Variants in SPI1 observed in about 807,000 individuals in gnomAD.
SPI1 encodes the protein Spi-1 proto-oncogene, also known as transcription factor PU.1.
A neutral mutation model predicts 30.7 loss-of-function variants in SPI1; 3 were observed. The observed-to-expected ratio is 0.10, with a 90% CI of 0.04 to 0.25. SPI1 has a LOEUF of 0.25. Among genes scored for constraint, SPI1 ranks in the 10% least tolerant of loss-of-function variants. The pLI is 1.00. For missense variants in SPI1, 261 were observed against 371.5 expected (o/e 0.70, Z 2.45); for synonymous variants, 169 against 157.1 (o/e 1.08, Z -0.56).
chr11:47,359,727 C>T lies in SPI1; in HGVS notation c.330+126G>A, dbSNP rs576231631. On this transcript the variant is annotated intron_variant, in intron 3 of 4. Transcript: ENST00000378538. This position sits in a 1 kb window ranked among gnomAD's most constrained non-coding sequence, Gnocchi z 5.1. The stretch of plus-strand genomic sequence containing the variant: ...AGGCGGCAGCCGTTGGAGCTCCAGC[C>T]GCCGTTGGCACTGTGGGGCAGGAAG... The T allele has an allele frequency of 1.5e-5, 16 of 1,083,716 alleles. No homozygotes were observed. In the Admixed American group the frequency reaches 2.1e-4, roughly 14 times the overall value. The allele number at this position is 1,083,716 out of a possible 1,614,324, so 67.1% of individuals were successfully genotyped here.
chr11:47,378,349 A>G lies in SPI1; in HGVS notation c.5T>C (p.Leu2Ser). 2 of 1,613,316 alleles carry G rather than the reference A, an allele frequency of 1.2e-6. No individual in the cohort carries two copies. Among genetic ancestry groups the G allele is most frequent in the Non-Finnish European group, 1.7e-6 (2 of 1,179,694 alleles). The change falls in exon 1 of 5, where the codon TTA becomes TCA. Residue 2 changes from leucine to serine, a missense_variant. Physicochemically the swap from Leu to Ser is moderately radical, Grantham distance 145. Coordinates refer to ENST00000378538, the MANE Select transcript of SPI1 (RefSeq NM_003120.3). MLQACKMEGFPL... is the reference protein window; with the variant it reads MSQACKMEGFPL... Reference sequence around the variant, plus strand: ...AAACCCTTCCATTTTGCACGCCTGTAACATCCAGCCGGGCTCCGAGTCGGT... The same window carrying G: ...AAACCCTTCCATTTTGCACGCCTGTGACATCCAGCCGGGCTCCGAGTCGGT...
At position 47,375,333 on chromosome 11, in the gene SPI1, A is replaced by G. The variant is rs187823421; in HGVS notation, c.142+300T>C. ...ACCCAGCAGCCGTGTGACCTTGTGCAAGTCTCCTAGCACCCTAAGCCTGTT... is the reference window on the plus strand; with the variant it reads ...ACCCAGCAGCCGTGTGACCTTGTGCGAGTCTCCTAGCACCCTAAGCCTGTT... On this transcript the variant is annotated intron_variant, in intron 2 of 4. Transcript: ENST00000378538. This position sits in a 1 kb window ranked among gnomAD's most constrained non-coding sequence, Gnocchi z 4.2. Among the ~76,000 whole-genome samples, 162 of 152,334 alleles carry G rather than the reference A, an allele frequency of 1.1e-3. No individual in the cohort carries two copies. The highest frequency in any genetic ancestry group is 1.9e-3 in the Non-Finnish European group (130 of 68,024).
rs866862822 is a variant in SPI1, at chr11:47,355,668, C to T, written c.494-122G>A. On this transcript the variant is annotated intron_variant, in intron 4 of 4. Coordinates refer to ENST00000378538, the MANE Select transcript of SPI1 (RefSeq NM_003120.3). ...CCGGGAAGGGCAGGGGAACGGCTGC[C>T]CCAGCCCGCGCCGGGCGTGCATACA... 1.4e-4 allele frequency: 113 copies of T among 798,528 alleles called. No homozygotes were observed. The African/African-American group carries it at 1.7e-3, about 12-fold the overall frequency. The allele number at this position is 798,528 out of a possible 1,614,324, so 49.5% of individuals were successfully genotyped here.
Position 47,362,570 on chromosome 11 carries a change from C to CTTT in SPI1, c.143-2533_143-2531dup, listed in dbSNP as rs377422572. ...TGGGTGACAGAGTGAGACCCTGTCT[C>CTTT]TTTTTTTTTTTTTTTTTTTTTCTCT... On this transcript the variant is annotated intron_variant, in intron 2 of 4. Coordinates refer to ENST00000378538, the MANE Select transcript of SPI1 (RefSeq NM_003120.3). 3.2e-3 allele frequency among the ~76,000 whole-genome samples: 347 copies of CTTT among 107,792 alleles called. 3 individuals carry two copies. The highest frequency in any genetic ancestry group is 5.2e-3 in the East Asian group (16 of 3,100). The allele number at this position is 107,792 out of a possible 152,430, so 70.7% of individuals were successfully genotyped here.
intron 1 of SPI1, among the ~76,000 whole-genome samples, chr11:47,378,016 C>T (rs560087014): frequency 3.3e-5 from 5 of 152,332 alleles, no homozygotes; most frequent in African/African-American, 1.2e-4. Flanking sequence ...CAGCCCAGCA[C>T]CCTCCCCAGG....
chr11:47,355,237 G>C lies in SPI1; in HGVS notation c.803C>G (p.Pro268Arg), dbSNP rs758648383. The C allele has an allele frequency of 7.0e-7, 1 of 1,423,244 alleles. No homozygotes were observed. Among genetic ancestry groups the C allele is most frequent in the Non-Finnish European group, 9.2e-7 (1 of 1,091,496 alleles). The allele number at this position is 1,423,244 out of a possible 1,614,324, so 88.2% of individuals were successfully genotyped here. The change falls in exon 5 of 5, where the codon CCG (proline) becomes CGG (arginine). Residue 268 changes from proline (P) to arginine (R), a missense_variant. Pro to Arg is a moderately radical substitution (Grantham distance 103, BLOSUM62 -2). Transcript: ENST00000378538. The stretch of plus-strand genomic sequence containing the variant: ...GCGGGGGCTGCGGGCTCAGTGGGGC[G>C]GGTGGCGCCGCTCGGCCAGGCCCCC... ...GRGGLAERRH[P>R]PH is the part of the protein sequence containing the mutation.
intron 2 of SPI1, among the ~76,000 whole-genome samples, chr11:47,360,573 A>C (rs1306619973): frequency 6.6e-6 from 1 of 152,174 alleles, no homozygotes; most frequent in Non-Finnish European, 1.5e-5. Flanking sequence ...CACGCCTGTA[A>C]ACCCAGCATT....
In SPI1 at chr11:47,358,459, C is replaced by A. The variant is rs74866067; in HGVS notation, c.493+385G>T. On this transcript the variant is annotated intron_variant, in intron 4 of 4. Coordinates refer to ENST00000378538, the MANE Select transcript of SPI1 (RefSeq NM_003120.3). The stretch of plus-strand genomic sequence containing the variant: ...TGACAGACACACAAACATGGCCACA[C>A]CCACTCTCAGCCACACCAGCTCTCA... 480 of 642,286 alleles carry A rather than the reference C, an allele frequency of 7.5e-4. 1 individual carries two copies. The East Asian group carries it at 0.012, about 16-fold the overall frequency. 39.8% of individuals were successfully genotyped at this position (642,286 alleles called of 1,614,324 possible). A position where few individuals can be genotyped will look rare whatever the true frequency, so the allele number is the denominator to read the frequency against.
intron 2 of SPI1, among the ~76,000 whole-genome samples, chr11:47,372,961 C>T (rs1188173732): frequency 1.3e-5 from 2 of 152,130 alleles, no homozygotes; most frequent in East Asian, 3.8e-4. Context: ...AGCTTCAGTA[C>T]CTAAAAATGT....
At position 47,378,308 on chromosome 11, in the gene SPI1, CAGG is replaced by C. The variant is rs769741293; in HGVS notation, c.43_45del (p.Pro16del). On this transcript the variant is annotated inframe_deletion and splice_region_variant, in exon 1 of 5. Coordinates refer to ENST00000378538, the MANE Select transcript of SPI1 (RefSeq NM_003120.3). ...GCTGGTGGAGGAGTCCCGGTACTCA[CAGG>C]GGGGACGAGGGGAAACCCTTCCATT... The C allele has an allele frequency of 7.9e-5, 128 of 1,613,744 alleles. No homozygotes were observed. The South Asian group carries it at 1.3e-3, about 17-fold the overall frequency.
intron 2 of SPI1, among the ~76,000 whole-genome samples, chr11:47,360,823 CAA>C (rs771338982): frequency 2.0e-5 from 2 of 100,340 alleles, no homozygotes; most frequent in Non-Finnish European, 2.0e-5. Flanking sequence ...GACTCTGCCT[CAA>C]AAAAAAAAAA....
intron 2 of SPI1, among the ~76,000 whole-genome samples, chr11:47,371,163 A>G (rs2095935187): frequency 6.6e-6 from 1 of 151,532 alleles, no homozygotes; most frequent in Non-Finnish European, 1.5e-5. Context: ...GATCAAGACC[A>G]TCCTGGCTAA....
At chr11:47,378,253 G>A in intron 1 of SPI1, 56 bp downstream of exon 1, 2 of 1,577,104 alleles carry the variant, frequency 1.3e-6, no homozygotes, top group Non-Finnish European at 1.7e-6. Flanking sequence ...TCGTGGGCAG[G>A]CAGGCAGGCG....
At chr11:47,360,402 A>T (rs2095918939) in intron 2 of SPI1, among the ~76,000 whole-genome samples, 1 of 152,152 alleles carries the variant, frequency 6.6e-6, no homozygotes, top group Admixed American at 6.5e-5. Context: ...TGGCCTCTCT[A>T]ACCTCAGTTG....
intron 2 of SPI1, among the ~76,000 whole-genome samples, chr11:47,373,432 G>C (rs1347386648): frequency 6.6e-6 from 1 of 151,704 alleles, no homozygotes; most frequent in African/African-American, 2.4e-5. Flanking sequence ...TGGATCACTT[G>C]AGGTCAGGAG....
At chr11:47,373,880 A>G (rs1030010557) in intron 2 of SPI1, among the ~76,000 whole-genome samples, 7 of 152,156 alleles carry the variant, frequency 4.6e-5, no homozygotes, top group Non-Finnish European at 8.8e-5. Context: ...TGCTTTCTCT[A>G]AAGTGCTCAC....
At chr11:47,356,528 A>T (rs1565635605) in intron 4 of SPI1, among the ~76,000 whole-genome samples, 2 of 147,988 alleles carry the variant, frequency 1.4e-5, no homozygotes, top group Non-Finnish European at 3.0e-5. Flanking sequence ...ACCTGCTCAC[A>T]CACACCTCAC....
Position 47,378,324 on chromosome 11 carries a change from A to G in SPI1, c.30T>C (p.Phe10=). The G allele has an allele frequency of 6.2e-7, 1 of 1,613,804 alleles. No individual in the cohort carries two copies. Reference sequence around the variant, plus strand: ...CGGTACTCACAGGGGGGACGAGGGGAAACCCTTCCATTTTGCACGCCTGTA... The same window carrying G: ...CGGTACTCACAGGGGGGACGAGGGGGAACCCTTCCATTTTGCACGCCTGTA... MLQACKMEG[F]PLVPPPSEDL... The change falls in exon 1 of 5, where the codon TTT becomes TTC. Residue 10 remains phenylalanine, a synonymous_variant. Transcript: ENST00000378538.
chr11:47,355,191 G>T lies in SPI1; in HGVS notation c.*36C>A. 2 of 1,307,600 alleles carry T rather than the reference G, an allele frequency of 1.5e-6. No individual in the cohort carries two copies. The highest frequency in any genetic ancestry group is 2.1e-5 in the South Asian group (1 of 48,150). The allele number at this position is 1,307,600 out of a possible 1,614,324, so 81.0% of individuals were successfully genotyped here. A position where few individuals can be genotyped will look rare whatever the true frequency, so the allele number is the denominator to read the frequency against. ...GCGAGGGCTTAATGCTATGGCCAGCGGGGAGGCCTGGCGGGGCCCGGCGGG... is the reference window on the plus strand; with the variant it reads ...GCGAGGGCTTAATGCTATGGCCAGCTGGGAGGCCTGGCGGGGCCCGGCGGG... On this transcript the variant is annotated 3_prime_UTR_variant, in exon 5 of 5. Transcript: ENST00000378538.
Sources: allele counts gnomAD v4.1 joint callset (sites outside exome capture counted in the v4.1 genomes callset), GRCh38; gene constraint gnomAD v4.1.1; non-coding constraint Gnocchi (gnomAD v3.1); transcripts MANE v1.5; gene names NCBI Gene and HGNC (gene_info 2026-07-23, HGNC 2026-07-21).